DNASE1L3: variants seen among roughly 807,000 people sequenced by gnomAD.
DNASE1L3 encodes the protein deoxyribonuclease 1L3.
Under a neutral mutation model 30.9 loss-of-function variants are expected in DNASE1L3, and 27 were observed. The ratio of observed to expected loss-of-function variants is 0.87; its 90% CI spans 0.64 to 1.20. The LOEUF is 1.20. DNASE1L3 is among the 50% of genes most tolerant of loss of function. The pLI is 0.00. For synonymous variants in DNASE1L3, 135 were observed against 138.0 expected (o/e 0.98, Z 0.15); for missense variants, 364 against 378.2 (o/e 0.96, Z 0.31).
chr3:58,193,239 G>A (rs985159225), intron 7 of DNASE1L3, 104 bp downstream of exon 7: 2 of 1,480,584 alleles, frequency 1.4e-6, no homozygotes, highest in African/African-American at 1.4e-5. Flanking sequence ...ACCATGCCCA[G>A]CTAATTTTTT....
chr3:58,210,591 C>T (rs11719301), intron 1 of DNASE1L3, among the ~76,000 whole-genome samples, 175 bp downstream of exon 1: 3,987 of 152,272 alleles, frequency 0.026, 70 homozygotes, highest in Non-Finnish European at 0.034. Flanking sequence ...TTGTTATCAC[C>T]CCTGTTTTAA....
chr3:58,209,093 G>A (rs556573611), intron 1 of DNASE1L3, among the ~76,000 whole-genome samples: 15 of 152,296 alleles, frequency 9.8e-5, no homozygotes, highest in African/African-American at 3.4e-4. Flanking sequence ...ACAAAAATTA[G>A]CACCTATAGG....
At position 58,196,320 on chromosome 3, in the gene DNASE1L3, G is replaced by A. The variant is rs572468770; in HGVS notation, c.704+1501C>T. On this transcript the variant is annotated intron_variant, in intron 6 of 7. Coordinates refer to ENST00000394549, the MANE Select transcript of DNASE1L3 (RefSeq NM_004944.4). ...AGCACTTTGGGAGGCCGAGGCGGGC[G>A]GATCACGAGGTCAAGAAATCAAGAC... Among the ~76,000 whole-genome samples the A allele has an allele frequency of 2.6e-5, 4 of 151,582 alleles. No homozygotes were observed. In the South Asian group the frequency reaches 8.4e-4, roughly 32 times the overall value.
chr3:58,204,863 C>T lies in DNASE1L3; in HGVS notation c.339G>A (p.Val113=), dbSNP rs559444746. 1.9e-6 allele frequency: 3 copies of T among 1,614,150 alleles called. No individual in the cohort carries two copies. The East Asian group carries it at 6.7e-5, about 36-fold the overall frequency. Residue 113 remains valine, a synonymous_variant, in exon 4 of 8, where the codon GTG becomes GTA. Coordinates refer to ENST00000394549, the MANE Select transcript of DNASE1L3 (RefSeq NM_004944.4). ...AFLYKEKLVS[V]KRSYHYHDYQ... is the part of the protein sequence containing the mutation. ...AGTCATGGTAGTGATAACTCCTCTT[C>T]ACAGACACCAGCTTTTCCCTATAAG...
chr3:58,199,377 A>G (rs889531846), intron 5 of DNASE1L3, among the ~76,000 whole-genome samples: 1 of 152,226 alleles, frequency 6.6e-6, no homozygotes, highest in African/African-American at 2.4e-5. Context: ...TGAAGTCAAG[A>G]ATCACATCCC....
intron 2 of DNASE1L3, chr3:58,207,944 T>C: frequency 2.7e-6 from 1 of 376,690 alleles, no homozygotes; most frequent in Non-Finnish European, 4.8e-6. Flanking sequence ...ATTTTCTTCA[T>C]AACTGTACTT....
intron 4 of DNASE1L3, among the ~76,000 whole-genome samples, chr3:58,201,737 C>T (rs1396486673): frequency 1.3e-5 from 2 of 152,224 alleles, no homozygotes; most frequent in African/African-American, 4.8e-5. Context: ...ATTGTGTGGT[C>T]TGGCTCCAGC....
intron 4 of DNASE1L3, among the ~76,000 whole-genome samples, chr3:58,202,400 T>A (rs578119427): frequency 2.2e-5 from 3 of 139,412 alleles, no homozygotes; most frequent in African/African-American, 8.1e-5. Context: ...CAACCTCAGG[T>A]GATCCACCCA....
intron 6 of DNASE1L3, among the ~76,000 whole-genome samples, chr3:58,196,644 G>C (rs1179209704): frequency 6.6e-6 from 1 of 150,980 alleles, no homozygotes; most frequent in Non-Finnish European, 1.5e-5. Flanking sequence ...ACACTTCCTC[G>C]TGGCAGGCTG....
intron 6 of DNASE1L3, among the ~76,000 whole-genome samples, chr3:58,194,160 T>C (rs2097395785): frequency 1.3e-5 from 2 of 152,076 alleles, no homozygotes; most frequent in Admixed American, 1.3e-4. Flanking sequence ...TATCCCAAGT[T>C]GGGTGATGCA....
intron 5 of DNASE1L3, among the ~76,000 whole-genome samples, chr3:58,198,619 A>G (rs1246038522): frequency 6.6e-6 from 1 of 152,232 alleles, no homozygotes; most frequent in South Asian, 2.1e-4. Flanking sequence ...TGCTGTTCTT[A>G]GTCGCCACAT....
chr3:58,206,215 A>G (rs1409407419), intron 2 of DNASE1L3, among the ~76,000 whole-genome samples: 2 of 152,038 alleles, frequency 1.3e-5, no homozygotes, highest in African/African-American at 4.8e-5. Flanking sequence ...TGTTTACCAA[A>G]CCTGCTGATA....
In DNASE1L3 at chr3:58,208,455, G is replaced by A. The variant is rs1559759638; in HGVS notation, c.142-149C>T. 5.2e-6 allele frequency: 4 copies of A among 766,006 alleles called. No homozygotes were observed. The South Asian group carries it at 5.5e-5, about 11-fold the overall frequency. The allele number at this position is 766,006 out of a possible 1,614,324, so 47.5% of individuals were successfully genotyped here. A position where few individuals can be genotyped will look rare whatever the true frequency, so the allele number is the denominator to read the frequency against. ...ACTAAATGAAGGACTCCCTGAGGTA[G>A]GTAGGTGCTTTTGTTATGTACATTT... On this transcript the variant is annotated intron_variant, in intron 1 of 7. Transcript: ENST00000394549.
Position 58,204,928 on chromosome 3 carries a change from T to C in DNASE1L3, c.321-47A>G, listed in dbSNP as rs201806382. 3.5e-3 allele frequency: 5,449 copies of C among 1,568,064 alleles called. 10 individuals are homozygous for C. The highest frequency in any genetic ancestry group is 4.5e-3 in the Non-Finnish European group (5,131 of 1,141,568). On this transcript the variant is annotated intron_variant, in intron 3 of 7. Transcript: ENST00000394549. ...CCTCCCAGCTGAGTCAGCCCTTTTC[T>C]TACTACTTTCATGAAGCAGAGATGT...
rs201136542 is a variant in DNASE1L3 at position 58,210,810 on chromosome 3, C to A, written c.97G>T (p.Glu33Ter). The A allele has an allele frequency of 6.2e-7, 1 of 1,614,024 alleles. No homozygotes were observed. The highest frequency in any genetic ancestry group is 8.5e-7 in the Non-Finnish European group (1 of 1,180,036). Residue 33 changes from glutamate to a stop codon, truncating the protein, a stop_gained, in exon 1 of 8, where the codon GAA (glutamate) becomes TAA (stop). Transcript: ENST00000394549. LOFTEE classifies it high-confidence loss of function. ...ICSFNVRSFG[E>*]SKQEDKNAMD... Reference sequence around the variant, plus strand: ...GCATTCTTGTCTTCCTGCTTGCTTTCCCCAAAGGACCTGACGTTGAAGGAG... The same window carrying A: ...GCATTCTTGTCTTCCTGCTTGCTTTACCCAAAGGACCTGACGTTGAAGGAG...
chr3:58,208,080 G>C (rs752973667), intron 2 of DNASE1L3, 138 bp downstream of exon 2: 104 of 741,198 alleles, frequency 1.4e-4, no homozygotes, highest in Non-Finnish European at 2.1e-4. Flanking sequence ...GGCTAAGGGA[G>C]CTGGACTCCT....
rs756365385 is a variant in DNASE1L3, at chr3:58,192,819, G to A, written c.802-16C>T. On this transcript the variant is annotated splice_polypyrimidine_tract_variant and intron_variant, in intron 7 of 7. Transcript: ENST00000394549. This position sits in a 1 kb window ranked among gnomAD's most constrained non-coding sequence, Gnocchi z 4.8. ...CATCCAGGGCCTATAAGGAGAAAGGGGAGGTAGACATGGAAATTAGGAGAT... is the reference window on the plus strand; with the variant it reads ...CATCCAGGGCCTATAAGGAGAAAGGAGAGGTAGACATGGAAATTAGGAGAT... 10 of 1,605,758 alleles carry A rather than the reference G, an allele frequency of 6.2e-6. No homozygotes were observed. The South Asian group carries it at 7.9e-5, about 13-fold the overall frequency.
chr3:58,208,492 G>A (rs9863878), intron 1 of DNASE1L3, among the ~76,000 whole-genome samples, 186 bp from the exon 2 acceptor site: 12,294 of 152,102 alleles, frequency 0.081, 651 homozygotes, highest in African/African-American at 0.15. Flanking sequence ...AAAGAGGAGC[G>A]TGAGACTCAG....
At position 58,208,284 on chromosome 3, in the gene DNASE1L3, A is replaced by C. The variant is rs2097405361; in HGVS notation, c.164T>G (p.Ile55Arg). ...GCTGTCCTTGATTTCCATCACGAGT[A>C]TGATGTCACAGCGTTTGATGACCTG... ...IVKVIKRCDI[I>R]LVMEIKDSNN... Residue 55 changes from isoleucine to arginine, a missense_variant, in exon 2 of 8, where the codon ATA becomes AGA. Transcript: ENST00000394549. 1 of 1,614,234 alleles carries C rather than the reference A, an allele frequency of 6.2e-7. No individual in the cohort carries two copies. Among genetic ancestry groups the C allele is most frequent in the African/African-American group, 1.3e-5 (1 of 75,048 alleles).
Sources: gnomAD v4.1 joint callset for allele counts (sites outside exome capture counted in the v4.1 genomes callset) on GRCh38, gnomAD v4.1.1 for gene constraint, Gnocchi (gnomAD v3.1) non-coding constraint, MANE v1.5 for transcripts, NCBI Gene and HGNC (gene_info 2026-07-23, HGNC 2026-07-21) for gene names.